The following SLC44A1 variants were observed in gnomAD, a reference collection of about 807,000 sequenced individuals.
The protein encoded by SLC44A1 is solute carrier family 44 member 1.
SLC44A1 carries 26 observed loss-of-function variants against 79.3 expected under a neutral mutation model. That is an observed-to-expected ratio of 0.33 (90% CI 0.24 to 0.46). The LOEUF is 0.46. Among genes scored for constraint, SLC44A1 ranks in the 20% least tolerant of loss-of-function variants. SLC44A1 has a pLI of 1.00. For synonymous variants in SLC44A1, 263 were observed against 286.2 expected, an observed-to-expected ratio of 0.92 and a Z score of 0.82; for missense variants, 688 against 798.1, an observed-to-expected ratio of 0.86 and a Z score of 1.66.
intron 1 of SLC44A1, among the ~76,000 whole-genome samples, chr9:105,251,693 T>C (rs1419118906): frequency 3.3e-5 from 5 of 152,184 alleles, no homozygotes; most frequent in Non-Finnish European, 5.9e-5. Context: ...TCCTTCCTCT[T>C]AGAGGGCTTT....
intron 12 of SLC44A1, among the ~76,000 whole-genome samples, chr9:105,369,331 G>A (rs1007843527): frequency 4.6e-5 from 7 of 152,294 alleles, no homozygotes; most frequent in East Asian, 1.9e-4. Context: ...TGGTTTGTGC[G>A]GGCCTGTTTC....
chr9:105,285,144 T>C (rs567118002), intron 1 of SLC44A1, among the ~76,000 whole-genome samples: 2 of 152,368 alleles, frequency 1.3e-5, no homozygotes, highest in East Asian at 1.9e-4. Context: ...CCATATTGTG[T>C]TTAATCACTC....
At chr9:105,351,570 A>AAGAG (rs1554797122) in intron 5 of SLC44A1, among the ~76,000 whole-genome samples, 1 of 119,640 alleles carries the variant, frequency 8.4e-6, no homozygotes, top group Non-Finnish European at 1.7e-5. Flanking sequence ...GAAAGAGAGA[A>AAGAG]AGAGAGAAAG....
intron 8 of SLC44A1, among the ~76,000 whole-genome samples, chr9:105,362,067 C>T (rs528842262): frequency 0.013 from 1,914 of 151,654 alleles, 42 homozygotes; most frequent in African/African-American, 0.043. Context: ...TGTGTGCGCG[C>T]GCGCGCGTGT....
chr9:105,401,805 G>T (rs1180288008), downstream of SLC44A1, among the ~76,000 whole-genome samples: 1 of 152,136 alleles, frequency 6.6e-6, no homozygotes, highest in East Asian at 1.9e-4. Flanking sequence ...GACCTCTTCT[G>T]GTCAGCCAGA....
chr9:105,331,236 T>C (rs1826739390), intron 3 of SLC44A1, among the ~76,000 whole-genome samples: 1 of 152,202 alleles, frequency 6.6e-6, no homozygotes, highest in Non-Finnish European at 1.5e-5. Context: ...ACCTTGGAGA[T>C]GGCATAGGGA....
At chr9:105,420,861 CAA>C (rs34053627) in intron 15 of SLC44A1, among the ~76,000 whole-genome samples, 2 of 12,482 alleles carry the variant, frequency 1.6e-4, no homozygotes. Context: ...AACTCCATCT[CAA>C]AAAAAAAAAA....
At chr9:105,297,026 C>T (rs771574061) in intron 1 of SLC44A1, among the ~76,000 whole-genome samples, 90 of 152,144 alleles carry the variant, frequency 5.9e-4, no homozygotes, top group Non-Finnish European at 1.1e-3. Context: ...TCTTACGCCA[C>T]AATGCTACAT....
intron 1 of SLC44A1, among the ~76,000 whole-genome samples, chr9:105,282,761 C>A (rs960911436): frequency 1.1e-4 from 16 of 152,048 alleles, no homozygotes; most frequent in Admixed American, 3.3e-4. Flanking sequence ...GTTGGCCAGG[C>A]TGGTCTTGAA....
At chr9:105,435,123 G>A (rs186886745) in intron 15 of SLC44A1, among the ~76,000 whole-genome samples, 66 of 151,456 alleles carry the variant, frequency 4.4e-4, no homozygotes, top group Non-Finnish European at 6.8e-4. Flanking sequence ...CTGCAGCCTA[G>A]GCAACAAAGC....
rs1440931608 is a variant in SLC44A1, at chr9:105,378,224, G to A, written c.1632+3489G>A. Among the ~76,000 whole-genome samples the A allele has an allele frequency of 2.6e-5, 4 of 152,318 alleles. No individual in the cohort carries two copies. In the East Asian group the frequency reaches 5.8e-4, roughly 22 times the overall value. ...AGATAGCGCCACTGCACTGCAGCCC[G>A]GACGACAAAGCGGGACTCTGTCTCA... On this transcript the variant is annotated intron_variant, in intron 13 of 15. Coordinates refer to ENST00000374720, the MANE Select transcript of SLC44A1 (RefSeq NM_080546.5).
intron 2 of SLC44A1, among the ~76,000 whole-genome samples, chr9:105,308,814 C>G (rs1285851393): frequency 1.3e-5 from 2 of 152,188 alleles, no homozygotes; most frequent in African/African-American, 4.8e-5. Flanking sequence ...TAGTTCTTAA[C>G]CTCAGTCTTT....
At chr9:105,413,535 G>C (rs1588875667) in intron 15 of SLC44A1, among the ~76,000 whole-genome samples, 1 of 152,222 alleles carries the variant, frequency 6.6e-6, no homozygotes, top group South Asian at 2.1e-4. Context: ...AGAACCAAAA[G>C]ATAGAAGGAG....
intron 3 of SLC44A1, among the ~76,000 whole-genome samples, chr9:105,330,036 T>G (rs574505650): frequency 6.6e-6 from 1 of 152,326 alleles, no homozygotes; most frequent in East Asian, 1.9e-4. Context: ...AGAACTATAT[T>G]TTATGAATTT....
At chr9:105,421,470 C>T (rs1285946835) in intron 15 of SLC44A1, among the ~76,000 whole-genome samples, 1 of 151,722 alleles carries the variant, frequency 6.6e-6, no homozygotes, top group Non-Finnish European at 1.5e-5. Context: ...GAGCCACCGT[C>T]ATTAAAAGAG....
At chr9:105,328,224 A>G (rs1826642216) in intron 3 of SLC44A1, among the ~76,000 whole-genome samples, 1 of 152,196 alleles carries the variant, frequency 6.6e-6, no homozygotes, top group African/African-American at 2.4e-5. Context: ...ATATTCTACT[A>G]GTGGTGGTGG....
rs114416981 is a variant in SLC44A1, at chr9:105,342,367, C to T, written c.407-5991C>T. Among the ~76,000 whole-genome samples the T allele has an allele frequency of 1.2e-3, 179 of 152,256 alleles. 1 individual carries two copies. Among genetic ancestry groups the T allele is most frequent in the African/African-American group, 4.2e-3 (176 of 41,550 alleles). On this transcript the variant is annotated intron_variant, in intron 4 of 15. Transcript: ENST00000374720. ...CCCACCAGTTAGTCTCTTAGTAGCCCTATCAGTTATCAGATCAAAAAGACA... is the reference window on the plus strand; with the variant it reads ...CCCACCAGTTAGTCTCTTAGTAGCCTTATCAGTTATCAGATCAAAAAGACA...
intron 15 of SLC44A1, among the ~76,000 whole-genome samples, chr9:105,387,060 A>AAAAAAAAATATATAT (rs34780893): frequency 1.3e-4 from 1 of 7,716 alleles, no homozygotes; most frequent in African/African-American, 4.1e-4. Flanking sequence ...AAAAAAAAAA[A>AAAAAAAAATATATAT]ATATATATAT....
intron 1 of SLC44A1, among the ~76,000 whole-genome samples, chr9:105,286,493 T>C (rs1313876115): frequency 6.6e-6 from 1 of 152,228 alleles, no homozygotes. Flanking sequence ...AAAATCTGTC[T>C]CTTTGTATGG....
Sources: allele counts gnomAD v4.1 joint callset (sites outside exome capture counted in the v4.1 genomes callset), GRCh38; gene constraint gnomAD v4.1.1; transcripts MANE v1.5; gene names NCBI Gene and HGNC (gene_info 2026-07-23, HGNC 2026-07-21).